The following ZNF721 variants were observed in gnomAD, a reference collection of about 807,000 sequenced individuals.
ZNF721 encodes zinc finger protein 721.
A neutral mutation model predicts 2.4 loss-of-function variants in ZNF721; 2 were observed. The observed-to-expected ratio is 0.82, with a 90% CI of 0.34 to 2.58. The LOEUF is 2.58. Among genes scored for constraint, ZNF721 ranks in the 30% most tolerant of loss-of-function variants. The pLI, the probability that ZNF721 is intolerant of heterozygous loss-of-function variation, is 0.11. For missense variants in ZNF721, 1,187 were observed against 1,085.5 expected (o/e 1.09, Z -1.31); for synonymous variants, 398 against 381.8 (o/e 1.04, Z -0.50).
intron 2 of ZNF721, among the ~76,000 whole-genome samples, chr4:452,796 C>T (rs903466370): frequency 6.6e-6 from 1 of 152,166 alleles, no homozygotes; most frequent in Non-Finnish European, 1.5e-5. Flanking sequence ...TCTGCTTCAA[C>T]CATGAGGTCT....
At chr4:469,626 C>T (rs1715370172) in intron 2 of ZNF721, among the ~76,000 whole-genome samples, 1 of 152,028 alleles carries the variant, frequency 6.6e-6, no homozygotes, top group Admixed American at 6.6e-5. Context: ...TCTGAGCCAT[C>T]GTGAGAAAGA....
chr4:456,544 G>A (rs1714853901), intron 2 of ZNF721, among the ~76,000 whole-genome samples: 1 of 152,046 alleles, frequency 6.6e-6, no homozygotes, highest in South Asian at 2.1e-4. Flanking sequence ...AACACCACAT[G>A]GTCATAAAAG....
At chr4:492,802 AAC>A (rs1553871684) in intron 1 of ZNF721, among the ~76,000 whole-genome samples, 3 of 150,766 alleles carry the variant, frequency 2.0e-5, no homozygotes, top group African/African-American at 7.3e-5. Flanking sequence ...AAAAAAAAAA[AAC>A]AAAAAACCTC....
chr4:484,812 C>A (rs1553869998), intron 1 of ZNF721, among the ~76,000 whole-genome samples: 1 of 152,226 alleles, frequency 6.6e-6, no homozygotes. Flanking sequence ...TCTCGCCCTG[C>A]CTCCACTTGC....
At chr4:477,600 T>G (rs1715665490) in intron 1 of ZNF721, among the ~76,000 whole-genome samples, 1 of 152,048 alleles carries the variant, frequency 6.6e-6, no homozygotes, top group East Asian at 1.9e-4. Flanking sequence ...GCCCCTAGAC[T>G]CGAAGATTTT....
At chr4:463,148 T>C (rs1340314860) in intron 2 of ZNF721, among the ~76,000 whole-genome samples, 4 of 152,172 alleles carry the variant, frequency 2.6e-5, no homozygotes, top group African/African-American at 7.2e-5. Context: ...AACAAACATA[T>C]GAGAAAAAGC....
chr4:451,382 T>C (rs1010130151), intron 2 of ZNF721, among the ~76,000 whole-genome samples: 8 of 152,212 alleles, frequency 5.3e-5, no homozygotes, highest in Non-Finnish European at 1.0e-4. Flanking sequence ...TTTGTGTTCC[T>C]TGAGCCCAGT....
In ZNF721 at chr4:442,902, A is replaced by C; in HGVS notation, c.1565T>G (p.Ile522Ser). 6.2e-7 allele frequency: 1 copy of C among 1,613,940 alleles called. No individual in the cohort carries two copies. ...SSTTLTKHRR[I>S]HTGEKPYTCE... Reference sequence around the variant, plus strand: ...TGTGTAGGGTTTCTCTCCAGTATGAATTCTCCTATGTTTAGTAAGGGTTGT... The same window carrying C: ...TGTGTAGGGTTTCTCTCCAGTATGACTTCTCCTATGTTTAGTAAGGGTTGT... Residue 522 changes from isoleucine to serine, a missense_variant, in exon 3 of 3, where the codon ATT becomes AGT. Transcript: ENST00000511833.
Position 443,485 on chromosome 4 carries a change from T to G in ZNF721, c.982A>C (p.Thr328Pro). ...ANLYVHRRIH[T>P]GEKPYTCGEC... ...CCACATGTGTAGGGTTTCTCTCCAG[T>G]ATGAATTCTCCTATGTACATAAAGG... Residue 328 changes from threonine to proline, a missense_variant, in exon 3 of 3, where the codon ACT (threonine) becomes CCT (proline). Physicochemically the swap from Thr to Pro is conservative, Grantham distance 38. Coordinates refer to ENST00000511833, the MANE Select transcript of ZNF721 (RefSeq NM_133474.4). The G allele has an allele frequency of 6.2e-7, 1 of 1,613,888 alleles. No homozygotes were observed. The highest frequency in any genetic ancestry group is 8.5e-7 in the Non-Finnish European group (1 of 1,179,838).
chr4:457,634 G>T (rs1397957406), intron 2 of ZNF721, among the ~76,000 whole-genome samples: 1 of 152,124 alleles, frequency 6.6e-6, no homozygotes, highest in Admixed American at 6.6e-5. Context: ...TCATGGTGTG[G>T]AAGAAATCCT....
At chr4:495,299 C>T (rs1372435831) in intron 1 of ZNF721, among the ~76,000 whole-genome samples, 1 of 103,910 alleles carries the variant, frequency 9.6e-6, no homozygotes, top group African/African-American at 3.8e-5. Context: ...AAACAGAATT[C>T]AGTCAACTGA....
intron 1 of ZNF721, among the ~76,000 whole-genome samples, chr4:476,312 C>T (rs1371669519): frequency 1.3e-5 from 2 of 152,214 alleles, no homozygotes; most frequent in African/African-American, 4.8e-5. Flanking sequence ...ATAGCAGCAA[C>T]TGTATTGGCA....
chr4:466,522 T>A (rs1181658304), intron 2 of ZNF721, among the ~76,000 whole-genome samples: 1 of 152,230 alleles, frequency 6.6e-6, no homozygotes, highest in Admixed American at 6.5e-5. Context: ...GAAAGCTTGT[T>A]GATAGTGTAG....
rs182324885 is a variant in ZNF721 at position 450,733 on chromosome 4, C to T, written c.35-6301G>A. On this transcript the variant is annotated intron_variant, in intron 2 of 2. Transcript: ENST00000511833. ...CAGGCACATCACGACGTCAGGAGAT[C>T]GAGACCGTCCTGGCTAACATGGTGA... 1.9e-3 allele frequency among the ~76,000 whole-genome samples: 291 copies of T among 151,608 alleles called. 1 individual carries two copies. The highest frequency in any genetic ancestry group is 2.8e-3 in the Non-Finnish European group (187 of 67,912).
At chr4:468,302 C>T (rs1273510614) in intron 2 of ZNF721, among the ~76,000 whole-genome samples, 15 of 151,570 alleles carry the variant, frequency 9.9e-5, no homozygotes, top group African/African-American at 3.4e-4. Context: ...GTGATGGAAG[C>T]GCCTGTACTC....
At chr4:472,816 C>G in intron 1 of ZNF721, 115 bp from the exon 2 acceptor site, 3 of 1,382,618 alleles carry the variant, frequency 2.2e-6, no homozygotes, top group Non-Finnish European at 3.0e-6. Flanking sequence ...AAACAACTTT[C>G]AACACAGTAA....
rs1185637027 is a variant in ZNF721, at chr4:440,460, C to CTT, written c.*1233_*1234dup. 2 of 152,066 alleles carry CTT rather than the reference C, an allele frequency of 1.3e-5. No individual in the cohort carries two copies. The highest frequency in any genetic ancestry group is 2.9e-5 in the Non-Finnish European group (2 of 68,010). The allele number at this position is 152,066 out of a possible 1,614,324, so 9.4% of individuals were successfully genotyped here. ...ATCTCTTCAAAAACCTACTTTTCAA[C>CTT]TTATATACAAGGAAATTTTCTAACA... On this transcript the variant is annotated 3_prime_UTR_variant, in exon 3 of 3. Transcript: ENST00000511833.
intron 2 of ZNF721, among the ~76,000 whole-genome samples, chr4:447,696 GAAGAC>G (rs1714520456): frequency 6.6e-6 from 1 of 152,152 alleles, no homozygotes; most frequent in South Asian, 2.1e-4. Flanking sequence ...AAAAAGGAAA[GAAGAC>G]ATTTGATGCA....
intron 2 of ZNF721, among the ~76,000 whole-genome samples, chr4:459,360 T>C (rs1714944429): frequency 6.6e-6 from 1 of 151,876 alleles, no homozygotes; most frequent in African/African-American, 2.4e-5. Context: ...ACTGGAAAAT[T>C]AGAGTCAAGA....
Sources: gnomAD v4.1 joint callset for allele counts (sites outside exome capture counted in the v4.1 genomes callset) on GRCh38, gnomAD v4.1.1 for gene constraint, MANE v1.5 for transcripts, NCBI Gene and HGNC (gene_info 2026-07-23, HGNC 2026-07-21) for gene names.